Variants in DCDC1 observed in about 807,000 individuals in gnomAD.
The protein encoded by DCDC1 is doublecortin domain-containing protein 1.
Under a neutral mutation model 178.3 loss-of-function variants are expected in DCDC1, and 200 were observed. That is an observed-to-expected ratio of 1.12 (90% CI 1.00 to 1.26). The LOEUF is 1.26. Ranked by LOEUF, DCDC1 falls within the 50% of genes most tolerant of loss-of-function variation. DCDC1 has a pLI of 0.00. For missense variants in DCDC1, 1,983 were observed against 1,749.2 expected (o/e 1.13, Z -2.38); for synonymous variants, 690 against 604.8 (o/e 1.14, Z -2.07).
chr11:31,055,933 T>G (rs1462507647), intron 20 of DCDC1, among the ~76,000 whole-genome samples: 1 of 152,034 alleles, frequency 6.6e-6, no homozygotes, highest in East Asian at 1.9e-4. Context: ...CACCAAAATC[T>G]CACAAATCAC....
intron 36 of DCDC1, among the ~76,000 whole-genome samples, chr11:30,888,064 G>GAAAGAAAGAAAGAAAGAA (rs1565029139): frequency 1.3e-5 from 1 of 74,322 alleles, no homozygotes; most frequent in African/African-American, 5.8e-5. Context: ...GAAAGAAAGA[G>GAAAGAAAGAAAGAAAGAA]AGAGAGAGAG....
At chr11:31,233,043 G>C (rs558312862) in intron 9 of DCDC1, among the ~76,000 whole-genome samples, 7 of 151,200 alleles carry the variant, frequency 4.6e-5, no homozygotes, top group Admixed American at 1.3e-4. Context: ...AGCCAAGTTC[G>C]TGCCACTGCA....
At chr11:31,242,709 A>G (rs1329224735) in intron 8 of DCDC1, among the ~76,000 whole-genome samples, 1 of 151,920 alleles carries the variant, frequency 6.6e-6, no homozygotes, top group African/African-American at 2.4e-5. Context: ...GGCCTAGCAT[A>G]GCAATCTGGA....
At chr11:31,010,609 C>G (rs144649201) in intron 20 of DCDC1, among the ~76,000 whole-genome samples, 85 of 152,244 alleles carry the variant, frequency 5.6e-4, no homozygotes, top group Admixed American at 1.4e-3. Context: ...AGGATTTGTT[C>G]ACACTGAAGG....
intron 20 of DCDC1, among the ~76,000 whole-genome samples, chr11:31,051,898 A>G (rs566958721): frequency 5.3e-4 from 81 of 152,216 alleles, no homozygotes; most frequent in Non-Finnish European, 1.0e-3. Flanking sequence ...CACAGGACCT[A>G]TGAAGCAAAA....
chr11:31,209,661 T>C (rs963011234), intron 9 of DCDC1, among the ~76,000 whole-genome samples: 1 of 152,194 alleles, frequency 6.6e-6, no homozygotes, highest in Non-Finnish European at 1.5e-5. Flanking sequence ...CTGCAGAGTC[T>C]GATTGAGGCA....
intron 18 of DCDC1, among the ~76,000 whole-genome samples, chr11:31,076,355 T>C (rs1048394151): frequency 2.0e-5 from 3 of 152,118 alleles, no homozygotes; most frequent in African/African-American, 7.2e-5. Context: ...TTTAATTTAA[T>C]TTTTATTTTT....
At chr11:31,125,423 G>C (rs550306378) in intron 11 of DCDC1, among the ~76,000 whole-genome samples, 1 of 152,218 alleles carries the variant, frequency 6.6e-6, no homozygotes, top group Non-Finnish European at 1.5e-5. Flanking sequence ...TCTCATTACT[G>C]GGTATATACC....
chr11:31,190,053 A>G (rs1969964288), intron 9 of DCDC1, among the ~76,000 whole-genome samples: 1 of 152,198 alleles, frequency 6.6e-6, no homozygotes, highest in South Asian at 2.1e-4. Flanking sequence ...AATGGTTGGA[A>G]ATATTGAACC....
At chr11:31,314,730 C>T (rs1948966433) in intron 3 of DCDC1, among the ~76,000 whole-genome samples, 1 of 126,666 alleles carries the variant, frequency 7.9e-6, no homozygotes, top group Non-Finnish European at 1.5e-5. Flanking sequence ...TCAGGCACAC[C>T]CAGAATAATC....
At position 31,286,127 on chromosome 11, in the gene DCDC1, C is replaced by A. The variant is rs1235282012; in HGVS notation, c.960+4520G>T. Among the ~76,000 whole-genome samples the A allele has an allele frequency of 2.6e-5, 4 of 152,138 alleles. No individual in the cohort carries two copies. In the East Asian group the frequency reaches 7.7e-4, roughly 29 times the overall value. ...AAACTTTAGAGTGGCTGGGAATCAT[C>A]TGGAGACATTTGTTGAAATTCAGAT... On this transcript the variant is annotated intron_variant, in intron 7 of 38. Coordinates refer to ENST00000684477, the MANE Select transcript of DCDC1 (RefSeq NM_001387274.1).
chr11:31,290,024 C>T (rs112701432), intron 7 of DCDC1, among the ~76,000 whole-genome samples: 322 of 152,068 alleles, frequency 2.1e-3, no homozygotes, highest in Admixed American at 4.2e-3. Context: ...CCCATTAGCT[C>T]CTCGGTATTT....
chr11:31,200,623 C>A (rs1204746649), intron 9 of DCDC1, among the ~76,000 whole-genome samples: 1 of 151,824 alleles, frequency 6.6e-6, no homozygotes, highest in African/African-American at 2.4e-5. Flanking sequence ...CAAATATCTA[C>A]TTTTTACATT....
At chr11:31,023,965 C>T (rs944807729) in intron 20 of DCDC1, among the ~76,000 whole-genome samples, 2 of 151,760 alleles carry the variant, frequency 1.3e-5, no homozygotes, top group Admixed American at 1.3e-4. Context: ...CCAATTGTAC[C>T]TAAAACAATA....
intron 1 of DCDC1, among the ~76,000 whole-genome samples, chr11:31,343,415 T>A (rs559826638): frequency 3.3e-5 from 5 of 152,206 alleles, no homozygotes; most frequent in South Asian, 4.1e-4. Context: ...CAAGTGATTC[T>A]CCTGCCTCAG....
chr11:30,980,682 A>C (rs1950349016), intron 20 of DCDC1, among the ~76,000 whole-genome samples: 1 of 152,176 alleles, frequency 6.6e-6, no homozygotes, highest in Non-Finnish European at 1.5e-5. Context: ...GTGGATCAAT[A>C]AATGAATGAA....
intron 25 of DCDC1, among the ~76,000 whole-genome samples, chr11:30,918,598 T>C (rs1946026935): frequency 1.3e-5 from 2 of 151,776 alleles, no homozygotes; most frequent in East Asian, 3.9e-4. Context: ...ACAAAGACAA[T>C]AGAAAGGGGC....
intron 9 of DCDC1, among the ~76,000 whole-genome samples, chr11:31,230,911 T>A (rs1452446763): frequency 2.0e-5 from 3 of 152,144 alleles, no homozygotes; most frequent in African/African-American, 7.2e-5. Flanking sequence ...TTTTTTTTAA[T>A]AAAACATGAA....
chr11:31,246,153 T>C (rs562741661), intron 8 of DCDC1, among the ~76,000 whole-genome samples: 2 of 152,026 alleles, frequency 1.3e-5, no homozygotes, highest in Admixed American at 6.6e-5. Context: ...GTTAATAGCA[T>C]TTCAAGAAGC....
Sources: allele counts gnomAD v4.1 joint callset (sites outside exome capture counted in the v4.1 genomes callset), GRCh38; gene constraint gnomAD v4.1.1; transcripts MANE v1.5; gene names NCBI Gene and HGNC (gene_info 2026-07-23, HGNC 2026-07-21).